LEMD3: variants seen among roughly 807,000 people sequenced by gnomAD.
LEMD3 encodes LEM domain containing 3.
A neutral mutation model predicts 95.2 loss-of-function variants in LEMD3; 33 were observed. That is an observed-to-expected ratio of 0.35 (90% CI 0.26 to 0.46). The LOEUF (loss-of-function observed/expected upper bound fraction) is 0.46, where lower values mean the gene tolerates loss of function less well. Among genes scored for constraint, LEMD3 ranks in the 20% least tolerant of loss-of-function variants. LEMD3 has a pLI of 1.00. For synonymous variants in LEMD3, 525 were observed against 474.6 expected (o/e 1.11, Z -1.38); for missense variants, 1,210 against 1,192.8 (o/e 1.01, Z -0.21).
chr12:65,182,835 C>T (rs1180039896), intron 1 of LEMD3, among the ~76,000 whole-genome samples: 1 of 152,106 alleles, frequency 6.6e-6, no homozygotes. Flanking sequence ...GTGTGAAGAA[C>T]AGACAATGCA....
chr12:65,187,101 A>C (rs1352203258), intron 1 of LEMD3, among the ~76,000 whole-genome samples: 2 of 152,112 alleles, frequency 1.3e-5, no homozygotes, highest in Non-Finnish European at 2.9e-5. Context: ...AAAAGCAGAT[A>C]AACTTAAAAT....
At chr12:65,198,470 T>C (rs183253987) in intron 1 of LEMD3, among the ~76,000 whole-genome samples, 2,690 of 152,200 alleles carry the variant, frequency 0.018, 80 homozygotes, top group African/African-American at 0.06. Context: ...TTGAAACTTC[T>C]AAGAGTTAGG....
chr12:65,215,840 C>T, intron 2 of LEMD3, 137 bp from the exon 3 acceptor site: 1 of 517,492 alleles, frequency 1.9e-6, no homozygotes, highest in Non-Finnish European at 3.5e-6. Flanking sequence ...GTGCCCATTA[C>T]TTAAATGTGA....
At chr12:65,193,161 G>T (rs1869298233) in intron 1 of LEMD3, among the ~76,000 whole-genome samples, 1 of 152,178 alleles carries the variant, frequency 6.6e-6, no homozygotes, top group South Asian at 2.1e-4. Flanking sequence ...TCAGCAGAAA[G>T]AATTCGACTG....
intron 4 of LEMD3, among the ~76,000 whole-genome samples, chr12:65,223,036 A>G (rs909413998): frequency 6.6e-6 from 1 of 152,020 alleles, no homozygotes; most frequent in African/African-American, 2.4e-5. Context: ...TAATGTGTTA[A>G]GATTTTTGTG....
In LEMD3 at chr12:65,194,582, A is replaced by C. The variant is rs143833744; in HGVS notation, c.1523-16344A>C. Among the ~76,000 whole-genome samples the C allele has an allele frequency of 8.2e-3, 1,243 of 152,084 alleles. 10 individuals are homozygous for C. Among genetic ancestry groups the C allele is most frequent in the Middle Eastern group, 0.037 (11 of 294 alleles). On this transcript the variant is annotated intron_variant, in intron 1 of 12. Transcript: ENST00000308330. ...GGGGCTGTTGGTGGTCCGAAACATA[A>C]AAGCTTGAAAAGACGTATCAAAAGG...
At position 65,190,075 on chromosome 12, in the gene LEMD3, T is replaced by C. The variant is rs538340424; in HGVS notation, c.1522+18957T>C. Among the ~76,000 whole-genome samples, 27 of 152,300 alleles carry C rather than the reference T, an allele frequency of 1.8e-4. No individual in the cohort carries two copies. The East Asian group carries it at 4.2e-3, about 24-fold the overall frequency. Reference sequence around the variant, plus strand: ...AACCTTAGTTCTTTAAAACTGGCCATATCCAGCTCTATGTACATTTTCAAA... The same window carrying C: ...AACCTTAGTTCTTTAAAACTGGCCACATCCAGCTCTATGTACATTTTCAAA... On this transcript the variant is annotated intron_variant, in intron 1 of 12. Transcript: ENST00000308330.
rs150212307 is a variant in LEMD3 at position 65,169,758 on chromosome 12, C to T, written c.162C>T (p.His54=). 1.6e-5 allele frequency: 26 copies of T among 1,591,488 alleles called. No homozygotes were observed. In the African/African-American group the frequency reaches 3.0e-4, roughly 18 times the overall value. ...TTCGAGAGGAAGAGCAGCAACAGCA[C>T]CGGTCAGGGGGCCGCGGCAACAAGA... ...KKLREEEQQQ[H]RSGGRGNKTR... is the part of the protein sequence containing the mutation. The change falls in exon 1 of 13, where the codon CAC becomes CAT. Residue 54 remains histidine, a synonymous_variant. Coordinates refer to ENST00000308330, the MANE Select transcript of LEMD3 (RefSeq NM_014319.5).
At chr12:65,240,550 GT>G in intron 8 of LEMD3, 1 of 415,326 alleles carries the variant, frequency 2.4e-6, no homozygotes, top group East Asian at 4.6e-5. Flanking sequence ...AGTGGCTGGT[GT>G]TTTACTAATG....
Position 65,245,794 on chromosome 12 carries a change from T to G in LEMD3, c.2493+20T>G. The G allele has an allele frequency of 6.2e-7, 1 of 1,607,022 alleles. No individual in the cohort carries two copies. Among genetic ancestry groups the G allele is most frequent in the Non-Finnish European group, 8.5e-7 (1 of 1,173,704 alleles). ...CGTGAGGTAAAGTAACTTTTGGTAT[T>G]GAATTTCATGTTTTGGATTTGTTGC... On this transcript the variant is annotated intron_variant, in intron 11 of 12. Coordinates refer to ENST00000308330, the MANE Select transcript of LEMD3 (RefSeq NM_014319.5).
Position 65,169,685 on chromosome 12 carries a change from C to A in LEMD3, c.89C>A (p.Pro30Gln), listed in dbSNP as rs1480532037. ...QLRRYGLSPG[P>Q]VTESTRPVYL... ...CGCCGTTACGGCCTGTCTCCCGGAC[C>A]AGTGACGGAGAGCACCCGCCCGGTC... Residue 30 changes from proline (P) to glutamine (Q), a missense_variant, in exon 1 of 13, where the codon CCA (proline) becomes CAA (glutamine). Pro to Gln is a moderately conservative substitution (Grantham distance 76). Transcript: ENST00000308330. The A allele has an allele frequency of 3.2e-6, 5 of 1,586,138 alleles. No homozygotes were observed. The highest frequency in any genetic ancestry group is 1.3e-5 in the African/African-American group (1 of 74,518).
intron 4 of LEMD3, among the ~76,000 whole-genome samples, chr12:65,233,602 C>G (rs1222328354): frequency 7.0e-6 from 1 of 141,894 alleles, no homozygotes; most frequent in Non-Finnish European, 1.6e-5. Flanking sequence ...GATCATCTCA[C>G]AGTTCACTAG....
intron 4 of LEMD3, among the ~76,000 whole-genome samples, chr12:65,237,618 A>G (rs759597061): frequency 2.0e-5 from 3 of 152,168 alleles, no homozygotes; most frequent in Non-Finnish European, 2.9e-5. Flanking sequence ...TGCATTGGTC[A>G]TTTTCAGATG....
chr12:65,193,556 A>G (rs1869310990), intron 1 of LEMD3, among the ~76,000 whole-genome samples: 1 of 152,110 alleles, frequency 6.6e-6, no homozygotes, highest in Non-Finnish European at 1.5e-5. Flanking sequence ...CTTAATGCAT[A>G]TGCTGGAGCC....
At chr12:65,177,797 A>G (rs1265366405) in intron 1 of LEMD3, among the ~76,000 whole-genome samples, 1 of 151,900 alleles carries the variant, frequency 6.6e-6, no homozygotes. Context: ...TCTAAAATGA[A>G]TATGGGGAAT....
At chr12:65,201,723 C>G (rs563237539) in intron 1 of LEMD3, among the ~76,000 whole-genome samples, 5 of 151,990 alleles carry the variant, frequency 3.3e-5, no homozygotes, top group Non-Finnish European at 5.9e-5. Flanking sequence ...GTCATATTAT[C>G]TGTGAACAAA....
intron 2 of LEMD3, among the ~76,000 whole-genome samples, chr12:65,214,973 C>T (rs1332779889): frequency 6.6e-6 from 1 of 152,184 alleles, no homozygotes; most frequent in Non-Finnish European, 1.5e-5. Context: ...ATTATTTCTG[C>T]TTCCGAGCCA....
At chr12:65,238,642 A>T (rs368259211) in intron 5 of LEMD3, 27 bp from the exon 6 acceptor site, 21 of 1,613,746 alleles carry the variant, frequency 1.3e-5, no homozygotes, top group Admixed American at 6.7e-5. Context: ...TTTGACTTTA[A>T]ATTCTACCTT....
At position 65,206,184 on chromosome 12, in the gene LEMD3, C is replaced by A. The variant is rs531844344; in HGVS notation, c.1523-4742C>A. 4.6e-5 allele frequency among the ~76,000 whole-genome samples: 7 copies of A among 152,186 alleles called. No individual in the cohort carries two copies. In the East Asian group the frequency reaches 1.4e-3, roughly 29 times the overall value. On this transcript the variant is annotated intron_variant, in intron 1 of 12. Coordinates refer to ENST00000308330, the MANE Select transcript of LEMD3 (RefSeq NM_014319.5). ...CACATAAAATTATGCTGTGCTTAGACCATTAATACTAGAAGATGGGATTTG... is the reference window on the plus strand; with the variant it reads ...CACATAAAATTATGCTGTGCTTAGAACATTAATACTAGAAGATGGGATTTG...
Sources: allele counts gnomAD v4.1 joint callset (sites outside exome capture counted in the v4.1 genomes callset), GRCh38; gene constraint gnomAD v4.1.1; transcripts MANE v1.5; gene names NCBI Gene and HGNC (gene_info 2026-07-23, HGNC 2026-07-21).